DIDO1: variants seen among roughly 807,000 people sequenced by gnomAD.
DIDO1 encodes death inducer-obliterator 1, also known as death-inducer obliterator 1.
A neutral mutation model predicts 99.4 loss-of-function variants in DIDO1; 16 were observed. The observed-to-expected ratio is 0.16, with a 90% CI of 0.11 to 0.24. The LOEUF (loss-of-function observed/expected upper bound fraction) is 0.24, where lower values mean the gene tolerates loss of function less well. Ranked by LOEUF, DIDO1 falls within the 10% of genes least tolerant of loss-of-function variation. DIDO1 has a pLI of 1.00. For missense variants in DIDO1, 2,996 were observed against 3,014.0 expected, an observed-to-expected ratio of 0.99 and a Z score of 0.14; for synonymous variants, 1,366 against 1,239.1, an observed-to-expected ratio of 1.10 and a Z score of -2.15.
At chr20:62,912,548 A>G (rs1426927800) in intron 2 of DIDO1, among the ~76,000 whole-genome samples, 1 of 151,350 alleles carries the variant, frequency 6.6e-6, no homozygotes, top group Non-Finnish European at 1.5e-5. Context: ...ATACATTACT[A>G]AAGAATCTTA....
At chr20:62,930,281 G>A (rs1044677467), upstream of DIDO1, among the ~76,000 whole-genome samples, 3 of 151,444 alleles carry the variant, frequency 2.0e-5, no homozygotes, top group African/African-American at 7.3e-5. Context: ...GTGCATCACT[G>A]AGTAACAGCA....
At chr20:62,903,107 G>A (rs1319909756) in intron 6 of DIDO1, among the ~76,000 whole-genome samples, 3 of 152,200 alleles carry the variant, frequency 2.0e-5, no homozygotes, top group Non-Finnish European at 2.9e-5. Context: ...ATCTTTGAGA[G>A]AAGTTATGTG....
rs986917559 is a variant in DIDO1 at position 62,880,961 on chromosome 20, G to A, written c.4995C>T (p.Cys1665=). The A allele has an allele frequency of 6.2e-7, 1 of 1,606,700 alleles. No homozygotes were observed. The highest frequency in any genetic ancestry group is 1.3e-5 in the African/African-American group (1 of 75,048). ...ARRVLLPTPP[C]GALQPGFPLQ... ...GCGGGAAGCCGGGCTGCAGGGCGCCGCAAGGCGGTGTGGGCAGCAGCACCC... is the reference window on the plus strand; with the variant it reads ...GCGGGAAGCCGGGCTGCAGGGCGCCACAAGGCGGTGTGGGCAGCAGCACCC... The change falls in exon 16 of 16, where the codon TGC becomes TGT. Residue 1665 remains cysteine (C), a synonymous_variant. Coordinates refer to ENST00000395343, the MANE Select transcript of DIDO1 (RefSeq NM_001193369.2).
At chr20:62,918,252 A>G (rs2065073564) in intron 1 of DIDO1, among the ~76,000 whole-genome samples, 1 of 152,268 alleles carries the variant, frequency 6.6e-6, no homozygotes, top group South Asian at 2.1e-4. Flanking sequence ...GCAAATCTGT[A>G]TGCTCAACTT....
intron 1 of DIDO1, among the ~76,000 whole-genome samples, chr20:62,921,080 G>C (rs2065127193): frequency 6.6e-6 from 1 of 152,106 alleles, no homozygotes; most frequent in Middle Eastern, 3.2e-3. Flanking sequence ...GTCTTTAGTA[G>C]AGAAAGGGTT....
In DIDO1 at chr20:62,896,672, A is replaced by C. The variant is rs772476596; in HGVS notation, c.1913T>G (p.Val638Gly). Residue 638 changes from valine to glycine, a missense_variant, in exon 7 of 16, where the codon GTA (valine) becomes GGA (glycine). Physicochemically the swap from Val to Gly is moderately radical, Grantham distance 109 (BLOSUM62 -3). Transcript: ENST00000395343. The surrounding 1 kb of genome is among the most constrained non-coding windows in gnomAD (Gnocchi z 4.4). Reference sequence around the variant, plus strand: ...AACAGAAGGTACCACTGGCTTCCTTACGGCTCCCACCAAAGCAGCGGAGCC... The same window carrying C: ...AACAGAAGGTACCACTGGCTTCCTTCCGGCTCCCACCAAAGCAGCGGAGCC... ...FPGSAALVGA[V>G]RKPVVPSVPM... 15 of 1,613,872 alleles carry C rather than the reference A, an allele frequency of 9.3e-6. No homozygotes were observed. The highest frequency in any genetic ancestry group is 1.2e-5 in the Non-Finnish European group (14 of 1,180,014).
rs566200046 is a variant in DIDO1 at position 62,883,740 on chromosome 20, C to T, written c.3542-1326G>A. Among the ~76,000 whole-genome samples the T allele has an allele frequency of 5.9e-5, 9 of 152,066 alleles. No homozygotes were observed. The East Asian group carries it at 1.7e-3, about 29-fold the overall frequency. ...CTCAGGAGGCTGAGGCAGGAGAAATCGCTTGAACCCAGGAGGTGGAGGTTG... is the reference window on the plus strand; with the variant it reads ...CTCAGGAGGCTGAGGCAGGAGAAATTGCTTGAACCCAGGAGGTGGAGGTTG... On this transcript the variant is annotated intron_variant, in intron 15 of 15. Coordinates refer to ENST00000395343, the MANE Select transcript of DIDO1 (RefSeq NM_001193369.2).
In DIDO1 at chr20:62,880,359, G is replaced by C; in HGVS notation, c.5597C>G (p.Ala1866Gly). ...CTCTGTCCCTTCAAACTGGGCGGGGGCGCCCGTCACCTCGTTATACGGGGC... is the reference window on the plus strand; with the variant it reads ...CTCTGTCCCTTCAAACTGGGCGGGGCCGCCCGTCACCTCGTTATACGGGGC... ...QDAPYNEVTG[A>G]PAQFEGTEQA... Residue 1866 changes from alanine (A) to glycine (G), a missense_variant, in exon 16 of 16, where the codon GCC becomes GGC. Coordinates refer to ENST00000395343, the MANE Select transcript of DIDO1 (RefSeq NM_001193369.2). 1 of 1,612,836 alleles carries C rather than the reference G, an allele frequency of 6.2e-7. No homozygotes were observed. The highest frequency in any genetic ancestry group is 8.5e-7 in the Non-Finnish European group (1 of 1,180,000).
chr20:62,890,719 T>A, intron 15 of DIDO1: 1 of 1,369,630 alleles, frequency 7.3e-7, no homozygotes. Context: ...GGTTGCAGGC[T>A]GTGGGTTTTT....
In DIDO1 at chr20:62,891,016, A is replaced by C; in HGVS notation, c.3485T>G (p.Ile1162Ser). ...AACAGGGTCCTGGGCGCTCAGCGGG[A>C]TCAGGTAGAGGTCCTTGACGTGCCT... is the stretch of plus-strand genomic sequence containing the variant. ...NNRHVKDLYL[I>S]PLSAQDPVPS... Residue 1162 changes from isoleucine to serine, a missense_variant, in exon 15 of 16, where the codon ATC becomes AGC. Around this residue, in one of 5 missense-constraint regions of DIDO1, gnomAD observed 135 missense variants for 202.3 expected, o/e 0.67. Transcript: ENST00000395343. 6.2e-7 allele frequency: 1 copy of C among 1,614,138 alleles called. No homozygotes were observed. The highest frequency in any genetic ancestry group is 8.5e-7 in the Non-Finnish European group (1 of 1,180,032).
At chr20:62,907,788 T>G (rs948980115) in intron 4 of DIDO1, among the ~76,000 whole-genome samples, 12 of 152,204 alleles carry the variant, frequency 7.9e-5, no homozygotes, top group African/African-American at 2.4e-4. Context: ...AAAAAGGAAC[T>G]GGGTCTTTCA....
chr20:62,885,797 A>G (rs1413022697), intron 15 of DIDO1, among the ~76,000 whole-genome samples: 2 of 152,262 alleles, frequency 1.3e-5, no homozygotes, highest in African/African-American at 2.4e-5. Flanking sequence ...CGCCTTGGAA[A>G]TAACTCTTCG....
At chr20:62,906,298 G>A (rs550057431) in intron 5 of DIDO1, among the ~76,000 whole-genome samples, 198 bp from the exon 6 acceptor site, 83 of 152,198 alleles carry the variant, frequency 5.5e-4, no homozygotes, top group African/African-American at 1.8e-3. Flanking sequence ...CAGTTTCCCC[G>A]TGCAAAACTG....
intron 1 of DIDO1, among the ~76,000 whole-genome samples, chr20:62,914,935 C>T (rs752513518): frequency 1.2e-4 from 18 of 152,324 alleles, no homozygotes; most frequent in Admixed American, 2.0e-4. Context: ...AAAATCAACA[C>T]GATACAGTTC....
intron 1 of DIDO1, among the ~76,000 whole-genome samples, chr20:62,914,818 A>G (rs892673245): frequency 3.3e-5 from 5 of 152,288 alleles, no homozygotes; most frequent in Non-Finnish European, 7.3e-5. Context: ...AAGGCTGAAC[A>G]TCGAAATTAT....
rs375416751 is a variant in DIDO1 at position 62,879,467 on chromosome 20, G to A, written c.6489C>T (p.Ala2163=). The A allele has an allele frequency of 1.7e-5, 26 of 1,569,662 alleles. No homozygotes were observed. The highest frequency in any genetic ancestry group is 2.0e-5 in the Non-Finnish European group (23 of 1,164,932). Residue 2163 remains alanine, a synonymous_variant, in exon 16 of 16, where the codon GCC becomes GCT. Coordinates refer to ENST00000395343, the MANE Select transcript of DIDO1 (RefSeq NM_001193369.2). The surrounding 1 kb of genome is among the most constrained non-coding windows in gnomAD (Gnocchi z 6.3). ...RSANRDRERE[A]DRGKEWDRSR... ...TGCGGTCCCACTCCTTGCCCCGGTC[G>A]GCCTCGCGCTCTCGGTCGCGGTTGG...
chr20:62,889,441 C>A (rs1437488662), intron 15 of DIDO1: 1 of 985,302 alleles, frequency 1.0e-6, no homozygotes, highest in Non-Finnish European at 1.2e-6. Context: ...TGAAATATCG[C>A]CTCAATTGTT....
At chr20:62,890,875 G>T (rs955625392) in intron 15 of DIDO1, 85 bp downstream of exon 15, 1 of 1,610,376 alleles carries the variant, frequency 6.2e-7, no homozygotes, top group African/African-American at 1.3e-5. Flanking sequence ...GCCCTGGGCT[G>T]GTCAGGACTC....
intron 12 of DIDO1, among the ~76,000 whole-genome samples, chr20:62,893,298 C>T (rs2064438440): frequency 6.6e-6 from 1 of 152,192 alleles, no homozygotes; most frequent in Admixed American, 6.5e-5. Context: ...CCACTGTGCC[C>T]GGCTTCAAGA....
Sources: allele counts gnomAD v4.1 joint callset (sites outside exome capture counted in the v4.1 genomes callset), GRCh38; gene constraint gnomAD v4.1.1; regional missense constraint gnomAD v4.1.1; non-coding constraint Gnocchi (gnomAD v3.1); transcripts MANE v1.5; gene names NCBI Gene and HGNC (gene_info 2026-07-23, HGNC 2026-07-21).